ARHGAP24: variants seen among roughly 807,000 people sequenced by gnomAD.
ARHGAP24 encodes the protein Rho GTPase activating protein 24, also known as rho GTPase-activating protein 24.
Under a neutral mutation model 76.4 loss-of-function variants are expected in ARHGAP24, and 50 were observed. The observed-to-expected ratio is 0.65, with a 90% CI of 0.52 to 0.83. The LOEUF (loss-of-function observed/expected upper bound fraction) is 0.83. ARHGAP24 is among the 40% of genes least tolerant of loss of function. ARHGAP24 has a pLI of 0.00. For missense variants in ARHGAP24, 930 were observed against 914.2 expected, an observed-to-expected ratio of 1.02 and a Z score of -0.22; for synonymous variants, 345 against 323.3, an observed-to-expected ratio of 1.07 and a Z score of -0.72.
At chr4:85,977,539 T>A (rs774542562) in intron 7 of ARHGAP24, 31 bp from the exon 8 acceptor site, 49 of 1,609,526 alleles carry the variant, frequency 3.0e-5, no homozygotes, top group Non-Finnish European at 4.1e-5. Flanking sequence ...TTGATCCCAT[T>A]GTATTTCAAT....
intron 3 of ARHGAP24, among the ~76,000 whole-genome samples, chr4:85,758,631 A>G (rs555666362): frequency 6.6e-6 from 1 of 152,340 alleles, no homozygotes; most frequent in South Asian, 2.1e-4. Flanking sequence ...CTCATTGCAC[A>G]TGGGTGCGTT....
At chr4:85,903,685 A>G (rs939215365) in intron 3 of ARHGAP24, among the ~76,000 whole-genome samples, 4 of 152,148 alleles carry the variant, frequency 2.6e-5, no homozygotes, top group African/African-American at 9.7e-5. Context: ...TGTAGGCTAT[A>G]TCCTTAGAGA....
intron 2 of ARHGAP24, among the ~76,000 whole-genome samples, chr4:85,590,240 TCCTC>T (rs1728036483): frequency 1.2e-5 from 1 of 83,168 alleles, no homozygotes; most frequent in Non-Finnish European, 2.5e-5. Flanking sequence ...CTTCCTTCCT[TCCTC>T]CCACCTCCCT....
At chr4:85,829,521 C>G (rs1014355685) in intron 3 of ARHGAP24, among the ~76,000 whole-genome samples, 2 of 152,200 alleles carry the variant, frequency 1.3e-5, no homozygotes, top group African/African-American at 4.8e-5. Flanking sequence ...AAACACCTGA[C>G]TCTAACACTG....
chr4:85,614,736 G>C (rs144010608), intron 2 of ARHGAP24, among the ~76,000 whole-genome samples: 281 of 152,112 alleles, frequency 1.8e-3, no homozygotes, highest in African/African-American at 6.6e-3. Context: ...TAATGGCCCA[G>C]GGTGAATTTT....
chr4:85,917,247 A>G (rs1250745297), intron 3 of ARHGAP24, among the ~76,000 whole-genome samples: 1 of 151,950 alleles, frequency 6.6e-6, no homozygotes, highest in Non-Finnish European at 1.5e-5. Flanking sequence ...TGAACTCATC[A>G]TTTTTTATGG....
At chr4:85,861,692 A>G (rs1206444152) in intron 3 of ARHGAP24, among the ~76,000 whole-genome samples, 1 of 151,988 alleles carries the variant, frequency 6.6e-6, no homozygotes, top group Non-Finnish European at 1.5e-5. Context: ...TATTTTTATA[A>G]TGTTACTTTA....
intron 1 of ARHGAP24, among the ~76,000 whole-genome samples, chr4:85,530,692 T>C (rs910083415): frequency 6.6e-6 from 1 of 152,014 alleles, no homozygotes; most frequent in Non-Finnish European, 1.5e-5. Context: ...TGCCTCACAG[T>C]TTTCAATATT....
intron 1 of ARHGAP24, among the ~76,000 whole-genome samples, chr4:85,544,789 C>A (rs563672615): frequency 6.6e-6 from 1 of 152,234 alleles, no homozygotes; most frequent in South Asian, 2.1e-4. Context: ...TTAGTCCTTA[C>A]AATTGTTACA....
chr4:85,940,013 A>G (rs1736867223), intron 4 of ARHGAP24, among the ~76,000 whole-genome samples: 1 of 152,212 alleles, frequency 6.6e-6, no homozygotes, highest in Non-Finnish European at 1.5e-5. Context: ...TTGTCAGGAT[A>G]GAGTTCAAAC....
At chr4:85,930,956 G>A in intron 4 of ARHGAP24, 1 of 1,614,042 alleles carries the variant, frequency 6.2e-7, no homozygotes, top group South Asian at 1.1e-5. Flanking sequence ...AATTCTGGGG[G>A]GTGCCCGGCT....
intron 1 of ARHGAP24, among the ~76,000 whole-genome samples, chr4:85,526,536 T>G (rs1000705168): frequency 6.6e-6 from 1 of 152,076 alleles, no homozygotes; most frequent in Non-Finnish European, 1.5e-5. Context: ...GGGGCCTATC[T>G]CAAAGCCACT....
chr4:85,803,061 T>C (rs937866046), intron 3 of ARHGAP24, among the ~76,000 whole-genome samples: 3 of 152,212 alleles, frequency 2.0e-5, no homozygotes, highest in Admixed American at 2.0e-4. Context: ...ATAATAATTA[T>C]AAAAATAATT....
chr4:85,573,086 A>C (rs1158747685), intron 2 of ARHGAP24, among the ~76,000 whole-genome samples: 1 of 152,042 alleles, frequency 6.6e-6, no homozygotes, highest in Non-Finnish European at 1.5e-5. Context: ...CGTGTTGGCC[A>C]TGCTGGTCTT....
At position 86,001,590 on chromosome 4, in the gene ARHGAP24, T is replaced by G; in HGVS notation, c.*868T>G. The stretch of plus-strand genomic sequence containing the variant: ...CTGGATAGTTTTAGAGGAATTCTCC[T>G]GCTACTTAGGTACTGGGAAACAATG... On this transcript the variant is annotated 3_prime_UTR_variant, in exon 10 of 10. Coordinates refer to ENST00000395184, the MANE Select transcript of ARHGAP24 (RefSeq NM_001025616.3). 2.5e-6 allele frequency: 1 copy of G among 396,066 alleles called. No homozygotes were observed. Among genetic ancestry groups the G allele is most frequent in the Non-Finnish European group, 4.4e-6 (1 of 224,974 alleles). The allele number at this position is 396,066 out of a possible 1,614,324, so 24.5% of individuals were successfully genotyped here. A position where few individuals can be genotyped will look rare whatever the true frequency, so the allele number is the denominator to read the frequency against.
At chr4:85,608,906 G>A (rs964002142) in intron 2 of ARHGAP24, among the ~76,000 whole-genome samples, 14 of 152,136 alleles carry the variant, frequency 9.2e-5, no homozygotes, top group African/African-American at 2.4e-4. Context: ...AATTAAACCC[G>A]AGGACTTTCT....
At chr4:85,784,645 G>A (rs1167073606) in intron 3 of ARHGAP24, among the ~76,000 whole-genome samples, 1 of 151,928 alleles carries the variant, frequency 6.6e-6, no homozygotes, top group African/African-American at 2.4e-5. Flanking sequence ...GCTGTCTATG[G>A]TATTCCAGTG....
intron 1 of ARHGAP24, among the ~76,000 whole-genome samples, chr4:85,519,819 G>A (rs1724667965): frequency 6.6e-6 from 1 of 151,846 alleles, no homozygotes. Context: ...CTCTTATCTT[G>A]TTCATTATAA....
intron 8 of ARHGAP24, among the ~76,000 whole-genome samples, chr4:85,982,789 G>T (rs972206661): frequency 6.6e-6 from 1 of 151,444 alleles, no homozygotes; most frequent in Non-Finnish European, 1.5e-5. Context: ...TTAAGTTCTG[G>T]GGCACATGTA....
Sources: gnomAD v4.1 joint callset for allele counts (sites outside exome capture counted in the v4.1 genomes callset) on GRCh38, gnomAD v4.1.1 for gene constraint, MANE v1.5 for transcripts, NCBI Gene and HGNC (gene_info 2026-07-23, HGNC 2026-07-21) for gene names.